Variants in PHF3 observed in about 807,000 individuals in gnomAD.
PHF3 encodes PHD finger protein 3.
A neutral mutation model predicts 178.4 loss-of-function variants in PHF3; 41 were observed. That is an observed-to-expected ratio of 0.23 (90% confidence interval 0.18 to 0.30). The LOEUF is 0.30. Among genes scored for constraint, PHF3 ranks in the 10% least tolerant of loss-of-function variants. The pLI, the probability that PHF3 is intolerant of heterozygous loss-of-function variation, is 1.00. For synonymous variants in PHF3, 842 were observed against 800.5 expected (o/e 1.05, Z -0.88); for missense variants, 2,346 against 2,398.1 (o/e 0.98, Z 0.45).
At chr6:63,695,533 T>G (rs1767196494) in intron 6 of PHF3, among the ~76,000 whole-genome samples, 1 of 152,202 alleles carries the variant, frequency 6.6e-6, no homozygotes, top group Admixed American at 6.5e-5. Context: ...TTCTACCTCA[T>G]GGGACCTTTG....
intron 4 of PHF3, among the ~76,000 whole-genome samples, chr6:63,686,669 A>G (rs1766720043): frequency 6.6e-6 from 1 of 152,192 alleles, no homozygotes; most frequent in African/African-American, 2.4e-5. Flanking sequence ...GATGAAGTGG[A>G]GTTTGCAGCT....
rs1490828129 is a variant in PHF3 at position 63,721,573 on chromosome 6, C to T, written c.*7865C>T. The T allele has an allele frequency of 6.4e-7, 1 of 1,551,566 alleles. No individual in the cohort carries two copies. The highest frequency in any genetic ancestry group is 1.4e-5 in the African/African-American group (1 of 73,020). On this transcript the variant is annotated 3_prime_UTR_variant, in exon 16 of 16. Coordinates refer to ENST00000262043, the MANE Select transcript of PHF3 (RefSeq NM_001370348.2). ...GAAGATACTCCTCCAATATAGAAGT[C>T]TGTATTTGTGTCCAGAGAACTCATT...
chr6:63,703,400 C>T (rs993730587), intron 10 of PHF3, 136 bp from the exon 11 acceptor site: 21 of 898,056 alleles, frequency 2.3e-5, no homozygotes, highest in Non-Finnish European at 3.3e-5. Context: ...AAAAAAAAAC[C>T]AAAAAACAAA....
At chr6:63,669,454 C>T (rs75900139) in intron 2 of PHF3, among the ~76,000 whole-genome samples, 1,782 of 152,158 alleles carry the variant, frequency 0.012, 29 homozygotes, top group African/African-American at 0.041. Flanking sequence ...TTTATAATAC[C>T]GTCTTAGGAC....
At chr6:63,637,412 T>A (rs77705178) in intron 1 of PHF3, among the ~76,000 whole-genome samples, 1,845 of 152,344 alleles carry the variant, frequency 0.012, 31 homozygotes, top group African/African-American at 0.043. Context: ...TATGTTTGTG[T>A]TAGAGCGACA....
Position 63,721,172 on chromosome 6 carries a change from T to TG in PHF3, c.*7465dup. ...TACCCATAAATTTTGCAGTTGAAAA[T>TG]GAAGTTTTGTTTTCACAATACCTTC... is the stretch of plus-strand genomic sequence containing the variant. On this transcript the variant is annotated 3_prime_UTR_variant, in exon 16 of 16. Coordinates refer to ENST00000262043, the MANE Select transcript of PHF3 (RefSeq NM_001370348.2). 6.4e-7 allele frequency: 1 copy of TG among 1,551,618 alleles called. No individual in the cohort carries two copies. The highest frequency in any genetic ancestry group is 8.7e-7 in the Non-Finnish European group (1 of 1,146,888).
At chr6:63,647,154 C>T (rs947021892) in intron 2 of PHF3, among the ~76,000 whole-genome samples, 52 of 151,894 alleles carry the variant, frequency 3.4e-4, no homozygotes, top group Non-Finnish European at 1.3e-4. Context: ...AGGGATTGCC[C>T]GGCAAATTGA....
chr6:63,675,010 C>G (rs777669267), intron 2 of PHF3, among the ~76,000 whole-genome samples: 4 of 151,962 alleles, frequency 2.6e-5, no homozygotes, highest in Non-Finnish European at 5.9e-5. Flanking sequence ...TCATTTGTCC[C>G]CTTTCCAAAA....
Position 63,635,872 on chromosome 6 carries a change from C to A in PHF3, c.-304C>A. On this transcript the variant is annotated 5_prime_UTR_variant, in exon 1 of 16. Coordinates refer to ENST00000262043, the MANE Select transcript of PHF3 (RefSeq NM_001370348.2). Reference sequence around the variant, plus strand: ...CCGCACGCCGATGGCTGCGGGGTCTCGCGCCGTCGCACCGTCCCCACGCGG... The same window carrying A: ...CCGCACGCCGATGGCTGCGGGGTCTAGCGCCGTCGCACCGTCCCCACGCGG... 1 of 397,552 alleles carries A rather than the reference C, an allele frequency of 2.5e-6. No homozygotes were observed. Among genetic ancestry groups the A allele is most frequent in the South Asian group, 1.3e-4 (1 of 7,838 alleles). 24.6% of individuals were successfully genotyped at this position (397,552 alleles called of 1,614,324 possible).
chr6:63,643,622 A>T (rs1764666981), intron 1 of PHF3, among the ~76,000 whole-genome samples: 1 of 152,212 alleles, frequency 6.6e-6, no homozygotes, highest in East Asian at 1.9e-4. Flanking sequence ...CTTAGTAAAC[A>T]TTTGATGAAT....
chr6:63,700,518 C>G lies in PHF3; in HGVS notation c.3099+52C>G, dbSNP rs769018112. 3 of 988,288 alleles carry G rather than the reference C, an allele frequency of 3.0e-6. No homozygotes were observed. The South Asian group carries it at 4.1e-5, about 14-fold the overall frequency. The allele number at this position is 988,288 out of a possible 1,614,324, so 61.2% of individuals were successfully genotyped here. A position where few individuals can be genotyped will look rare whatever the true frequency, so the allele number is the denominator to read the frequency against. Reference sequence around the variant, plus strand: ...GACTATCAAAATCTATGTTTTTCAGCCATTGGGTAAAAATTATACAGAGGT... The same window carrying G: ...GACTATCAAAATCTATGTTTTTCAGGCATTGGGTAAAAATTATACAGAGGT... On this transcript the variant is annotated intron_variant, in intron 9 of 15. Transcript: ENST00000262043.
chr6:63,700,410 C>A lies in PHF3; in HGVS notation c.3043C>A (p.Pro1015Thr). 6.2e-7 allele frequency: 1 copy of A among 1,604,854 alleles called. No homozygotes were observed. Among genetic ancestry groups the A allele is most frequent in the South Asian group, 1.1e-5 (1 of 90,342 alleles). Residue 1015 changes from proline to threonine, a missense_variant, in exon 9 of 16, where the codon CCA becomes ACA. Physicochemically the swap from Pro to Thr is conservative, Grantham distance 38 (BLOSUM62 -1). This residue lies in a region of PHF3 where 45 missense variants were observed against 87.9 expected (regional missense o/e 0.51). Coordinates refer to ENST00000262043, the MANE Select transcript of PHF3 (RefSeq NM_001370348.2). Reference sequence around the variant, plus strand: ...TCCTGATCATCTTATCAGAATGAGTCCAGAAGAACTAGCTTCTAAAGAGTT... The same window carrying A: ...TCCTGATCATCTTATCAGAATGAGTACAGAAGAACTAGCTTCTAAAGAGTT... Reference protein sequence around the residue: ...VTPDHLIRMSPEELASKELAA... With the variant: ...VTPDHLIRMSTEELASKELAA...
At chr6:63,643,363 T>G (rs1764656409) in intron 1 of PHF3, among the ~76,000 whole-genome samples, 1 of 152,214 alleles carries the variant, frequency 6.6e-6, no homozygotes, top group South Asian at 2.1e-4. Flanking sequence ...GATGGCTACA[T>G]GCTGTTCATT....
chr6:63,677,316 A>G (rs932375416), intron 2 of PHF3, among the ~76,000 whole-genome samples: 1 of 152,066 alleles, frequency 6.6e-6, no homozygotes, highest in African/African-American at 2.4e-5. Flanking sequence ...GGGGGACTGA[A>G]CTGTTGTATC....
At chr6:63,654,057 C>G (rs979665876) in intron 2 of PHF3, among the ~76,000 whole-genome samples, 2 of 152,080 alleles carry the variant, frequency 1.3e-5, no homozygotes, top group African/African-American at 4.8e-5. Context: ...TTATATTAAT[C>G]AGGGATATTG....
At chr6:63,658,378 T>G (rs1444887118) in intron 2 of PHF3, among the ~76,000 whole-genome samples, 1 of 152,150 alleles carries the variant, frequency 6.6e-6, no homozygotes, top group Non-Finnish European at 1.5e-5. Context: ...TGTTACAGGT[T>G]TTTACCTTCT....
In PHF3 at chr6:63,685,778, C is replaced by T. The variant is rs758614409; in HGVS notation, c.2056C>T (p.Pro686Ser). 1.9e-6 allele frequency: 3 copies of T among 1,613,884 alleles called. No individual in the cohort carries two copies. Among genetic ancestry groups the T allele is most frequent in the Admixed American group, 3.3e-5 (2 of 60,000 alleles). ...CAGCAAAAGTTTTTCTTTAGATGAG[C>T]CACCATTGTTCATTCCAGATAACAT... The part of the protein sequence containing the change: ...RSSKSFSLDE[P>S]PLFIPDNIAT... The change falls in exon 4 of 16, where the codon CCA (proline) becomes TCA (serine). Residue 686 changes from proline (P) to serine (S), a missense_variant. Transcript: ENST00000262043.
chr6:63,658,790 A>AT (rs1765347827), intron 2 of PHF3, among the ~76,000 whole-genome samples: 1 of 150,624 alleles, frequency 6.6e-6, no homozygotes, highest in Non-Finnish European at 1.5e-5. Context: ...AGATTGATTG[A>AT]TTGATTTTAA....
chr6:63,670,435 A>AT (rs779707330), intron 2 of PHF3, among the ~76,000 whole-genome samples: 5 of 151,764 alleles, frequency 3.3e-5, no homozygotes, highest in Non-Finnish European at 5.9e-5. Context: ...TGCCTGGCTA[A>AT]TTTTTTGTAT....
Sources: allele counts gnomAD v4.1 joint callset (sites outside exome capture counted in the v4.1 genomes callset), GRCh38; gene constraint gnomAD v4.1.1; regional missense constraint gnomAD v4.1.1; transcripts MANE v1.5; gene names NCBI Gene and HGNC (gene_info 2026-07-23, HGNC 2026-07-21).